OLFM2: variants seen among roughly 807,000 people sequenced by gnomAD.
OLFM2 encodes the protein noelin-2.
Under a neutral mutation model 43.9 loss-of-function variants are expected in OLFM2, and 20 were observed. The observed-to-expected ratio is 0.46, with a 90% confidence interval of 0.32 to 0.66. The LOEUF is 0.66. Ranked by LOEUF, OLFM2 falls within the 30% of genes least tolerant of loss-of-function variation. OLFM2 has a pLI of 0.04. For missense variants in OLFM2, 416 were observed against 643.6 expected (o/e 0.65, Z 3.83); for synonymous variants, 268 against 278.6 (o/e 0.96, Z 0.38).
At chr19:9,929,792 C>G (rs1255913026) in intron 1 of OLFM2, among the ~76,000 whole-genome samples, 1 of 151,992 alleles carries the variant, frequency 6.6e-6, no homozygotes, top group Admixed American at 6.6e-5. Context: ...GTAATCCCAG[C>G]ATTTTGGGAG....
rs767950578 is a variant in OLFM2 at position 9,854,137 on chromosome 19, C to T, written c.*49G>A. On this transcript the variant is annotated 3_prime_UTR_variant, in exon 6 of 6. Coordinates refer to ENST00000264833, the MANE Select transcript of OLFM2 (RefSeq NM_058164.4). This position sits in a 1 kb window ranked among gnomAD's most constrained non-coding sequence, Gnocchi z 9.5. ...GGACACAGGCAGAATGAAAAGGGCC[C>T]CCAGCCCCCAGAGGCCCCCCAGGCA... 1.5e-5 allele frequency: 24 copies of T among 1,563,266 alleles called. 1 individual carries two copies. The South Asian group carries it at 2.7e-4, about 17-fold the overall frequency.
At chr19:9,891,314 G>GA (rs56109769) in intron 1 of OLFM2, among the ~76,000 whole-genome samples, 23,424 of 125,430 alleles carry the variant, frequency 0.19, 2,784 homozygotes, top group Non-Finnish European at 0.25. Context: ...CTCCATCTCG[G>GA]AAAAAAAAAA....
chr19:9,899,842 C>G (rs550948737), intron 1 of OLFM2, among the ~76,000 whole-genome samples: 77 of 152,020 alleles, frequency 5.1e-4, no homozygotes, highest in African/African-American at 1.7e-3. Flanking sequence ...TATATGTGAG[C>G]CACCACACCC....
At chr19:9,923,242 T>C (rs2086431457) in intron 1 of OLFM2, among the ~76,000 whole-genome samples, 1 of 152,068 alleles carries the variant, frequency 6.6e-6, no homozygotes, top group East Asian at 1.9e-4. Context: ...AGTGATAATT[T>C]TTTTTTTCTT....
At chr19:9,893,161 T>A (rs1045139774) in intron 1 of OLFM2, among the ~76,000 whole-genome samples, 3 of 116,916 alleles carry the variant, frequency 2.6e-5, no homozygotes, top group Non-Finnish European at 6.2e-5. Flanking sequence ...CTTTTATTTT[T>A]TTTCTTTTTC....
chr19:9,925,941 C>T (rs956806291), intron 1 of OLFM2, among the ~76,000 whole-genome samples: 3 of 150,914 alleles, frequency 2.0e-5, no homozygotes, highest in African/African-American at 7.3e-5. Flanking sequence ...TGAAGACCAG[C>T]TTGAGCAAGA....
intron 1 of OLFM2, among the ~76,000 whole-genome samples, chr19:9,876,815 G>A (rs182594562): frequency 4.6e-5 from 7 of 152,240 alleles, no homozygotes; most frequent in East Asian, 1.9e-4. Context: ...ATGGCTTAAC[G>A]TAATGTTATG....
intron 2 of OLFM2, among the ~76,000 whole-genome samples, chr19:9,860,298 G>A (rs2046356999): frequency 6.6e-6 from 1 of 151,854 alleles, no homozygotes; most frequent in Non-Finnish European, 1.5e-5. Flanking sequence ...GGCAACATAG[G>A]GAGACCCCGT....
At chr19:9,926,518 C>T (rs1028359892) in intron 1 of OLFM2, among the ~76,000 whole-genome samples, 1 of 151,974 alleles carries the variant, frequency 6.6e-6, no homozygotes, top group Non-Finnish European at 1.5e-5. Flanking sequence ...CGCCACTGCA[C>T]TCCAGCCTGG....
chr19:9,867,326 G>A (rs1040333621), intron 1 of OLFM2, among the ~76,000 whole-genome samples: 3 of 152,262 alleles, frequency 2.0e-5, no homozygotes, highest in East Asian at 1.9e-4. Flanking sequence ...AGCCGAGATC[G>A]TGCCATTGCA....
In OLFM2 at chr19:9,856,956, A is replaced by G. The variant is rs2046324081; in HGVS notation, c.581-43T>C. ...GGGGAATGAGGATGGGGAAATGAAC[A>G]GCCCAAGAGAGGCCAGGCAAAGATG... On this transcript the variant is annotated intron_variant, in intron 4 of 5. Transcript: ENST00000264833. This position sits in a 1 kb window ranked among gnomAD's most constrained non-coding sequence, Gnocchi z 4.0. 1 of 1,451,124 alleles carries G rather than the reference A, an allele frequency of 6.9e-7. No homozygotes were observed. The highest frequency in any genetic ancestry group is 9.5e-7 in the Non-Finnish European group (1 of 1,049,800). 89.9% of individuals were successfully genotyped at this position (1,451,124 alleles called of 1,614,324 possible).
chr19:9,868,024 T>C (rs895546631), intron 1 of OLFM2, among the ~76,000 whole-genome samples: 1 of 151,922 alleles, frequency 6.6e-6, no homozygotes, highest in Non-Finnish European at 1.5e-5. Context: ...CACCTCTGTC[T>C]CCTGAGTAGG....
At chr19:9,911,380 G>A (rs1221914008) in intron 1 of OLFM2, among the ~76,000 whole-genome samples, 1 of 152,156 alleles carries the variant, frequency 6.6e-6, no homozygotes, top group Non-Finnish European at 1.5e-5. Context: ...TGGTGTCAGG[G>A]ATGGGAGGGC....
At position 9,854,369 on chromosome 19, in the gene OLFM2, G is replaced by T. The variant is rs775393222; in HGVS notation, c.1182C>A (p.Phe394Leu). 1.9e-6 allele frequency: 3 copies of T among 1,614,204 alleles called. No individual in the cohort carries two copies. Among genetic ancestry groups the T allele is most frequent in the Non-Finnish European group, 2.5e-6 (3 of 1,180,030 alleles). The change falls in exon 6 of 6, where the codon TTC (phenylalanine) becomes TTA (leucine). Residue 394 changes from phenylalanine to leucine, a missense_variant. Phe to Leu is a conservative substitution (Grantham distance 22). Transcript: ENST00000264833. The surrounding 1 kb of genome is among the most constrained non-coding windows in gnomAD (Gnocchi z 9.5). ...NSHLAGAKVY[F>L]AYFTNTSSYE... is the part of the protein sequence containing the mutation. The stretch of plus-strand genomic sequence containing the variant: ...AACTGGACGTGTTGGTAAAATAGGC[G>T]AAGTAGACCTTGGCCCCAGCCAGGT...
At chr19:9,870,642 G>A (rs1223591150) in intron 1 of OLFM2, among the ~76,000 whole-genome samples, 1 of 151,978 alleles carries the variant, frequency 6.6e-6, no homozygotes, top group Non-Finnish European at 1.5e-5. Flanking sequence ...GCACGGGCCG[G>A]GCCTGCTGCC....
In OLFM2 at chr19:9,853,805, G is replaced by A. The variant is rs2046289670; in HGVS notation, c.*381C>T. 1.8e-5 allele frequency: 6 copies of A among 332,678 alleles called. No individual in the cohort carries two copies. The highest frequency in any genetic ancestry group is 3.2e-5 in the Non-Finnish European group (6 of 185,326). 20.6% of individuals were successfully genotyped at this position (332,678 alleles called of 1,614,324 possible). On this transcript the variant is annotated 3_prime_UTR_variant, in exon 6 of 6. Coordinates refer to ENST00000264833, the MANE Select transcript of OLFM2 (RefSeq NM_058164.4). ...AAACAGATCCATGCACTCAACTCCT[G>A]GGGGTGGGGGTGGGGGTGGGAGTGA... is the stretch of plus-strand genomic sequence containing the variant.
intron 1 of OLFM2, among the ~76,000 whole-genome samples, chr19:9,868,487 G>T (rs1007345971): frequency 2.0e-5 from 3 of 152,084 alleles, no homozygotes; most frequent in Non-Finnish European, 2.9e-5. Context: ...GATTACAGGC[G>T]TGAGGCACTG....
chr19:9,920,113 C>CA (rs2086411005), intron 1 of OLFM2, among the ~76,000 whole-genome samples: 1 of 151,818 alleles, frequency 6.6e-6, no homozygotes, highest in Non-Finnish European at 1.5e-5. Flanking sequence ...CCCTCCCCAC[C>CA]AAAAAAATTT....
intron 1 of OLFM2, among the ~76,000 whole-genome samples, chr19:9,931,658 C>T (rs556943993): frequency 3.3e-5 from 4 of 122,744 alleles, no homozygotes; most frequent in African/African-American, 1.4e-4. Context: ...CTGAGATCAT[C>T]ACAATACTGT....
Sources: gnomAD v4.1 joint callset for allele counts (sites outside exome capture counted in the v4.1 genomes callset) on GRCh38, gnomAD v4.1.1 for gene constraint, Gnocchi (gnomAD v3.1) non-coding constraint, MANE v1.5 for transcripts, NCBI Gene and HGNC (gene_info 2026-07-23, HGNC 2026-07-21) for gene names.